The following KCNH8 variants were observed in gnomAD, a reference collection of about 807,000 sequenced individuals.
The protein encoded by KCNH8 is potassium voltage-gated channel subfamily H member 8, also known as voltage-gated delayed rectifier potassium channel KCNH8.
KCNH8 carries 70 observed loss-of-function variants against 103.6 expected under a neutral mutation model. The observed-to-expected ratio is 0.68, with a 90% CI of 0.56 to 0.82. The LOEUF is 0.82. Among genes scored for constraint, KCNH8 ranks in the 40% least tolerant of loss-of-function variants. The pLI is 0.00. For missense variants in KCNH8, 1,217 were observed against 1,329.9 expected (o/e 0.92, Z 1.32); for synonymous variants, 498 against 489.4 (o/e 1.02, Z -0.23).
intron 5 of KCNH8, among the ~76,000 whole-genome samples, chr3:19,355,885 AATATAT>A (rs35120708): frequency 6.7e-6 from 1 of 150,286 alleles, no homozygotes; most frequent in South Asian, 2.1e-4. Context: ...AGTATAATAA[AATATAT>A]ATATATATTT....
At chr3:19,158,046 G>A (rs1286449718) in intron 1 of KCNH8, among the ~76,000 whole-genome samples, 1 of 151,348 alleles carries the variant, frequency 6.6e-6, no homozygotes, top group East Asian at 1.9e-4. Flanking sequence ...TGGGTACATA[G>A]TAGGTGTATA....
chr3:19,269,292 C>T (rs1239056632), intron 2 of KCNH8, among the ~76,000 whole-genome samples: 1 of 152,046 alleles, frequency 6.6e-6, no homozygotes, highest in Non-Finnish European at 1.5e-5. Context: ...TCTTTACTTT[C>T]CCAAAATTTC....
chr3:19,409,927 G>T (rs1368405239), intron 7 of KCNH8, among the ~76,000 whole-genome samples: 4 of 152,018 alleles, frequency 2.6e-5, no homozygotes, highest in African/African-American at 9.7e-5. Flanking sequence ...AATAGTGGGG[G>T]TATTCAAGAC....
chr3:19,350,625 T>TG (rs1175541531), intron 5 of KCNH8, among the ~76,000 whole-genome samples: 4 of 152,042 alleles, frequency 2.6e-5, no homozygotes, highest in African/African-American at 9.7e-5. Context: ...GGGTCTAGAG[T>TG]GGACCTCCAG....
chr3:19,488,637 C>A (rs1310025946), intron 11 of KCNH8, among the ~76,000 whole-genome samples: 3 of 152,100 alleles, frequency 2.0e-5, no homozygotes, highest in African/African-American at 4.8e-5. Flanking sequence ...AAATTTGTAA[C>A]CTTTTGAGCC....
At chr3:19,380,327 C>T (rs999298871) in intron 5 of KCNH8, among the ~76,000 whole-genome samples, 1 of 152,190 alleles carries the variant, frequency 6.6e-6, no homozygotes, top group Non-Finnish European at 1.5e-5. Context: ...ATTGGTGACT[C>T]TTTTGATAGT....
chr3:19,321,385 C>T (rs545667041), intron 3 of KCNH8, among the ~76,000 whole-genome samples: 9 of 150,438 alleles, frequency 6.0e-5, no homozygotes, highest in African/African-American at 2.2e-4. Flanking sequence ...CATTGTGTCA[C>T]TATTTTTCAG....
chr3:19,307,230 T>G (rs2065142114), intron 3 of KCNH8, among the ~76,000 whole-genome samples: 1 of 151,830 alleles, frequency 6.6e-6, no homozygotes, highest in South Asian at 2.1e-4. Context: ...GCAATCCAAT[T>G]TATAAATGGG....
At chr3:19,162,436 G>A (rs946703566) in intron 1 of KCNH8, among the ~76,000 whole-genome samples, 3 of 151,880 alleles carry the variant, frequency 2.0e-5, no homozygotes, top group African/African-American at 4.8e-5. Context: ...GATCCTGGGA[G>A]GTGGAGGTTG....
At chr3:19,186,553 C>T (rs62279460) in intron 1 of KCNH8, among the ~76,000 whole-genome samples, 22,288 of 151,840 alleles carry the variant, frequency 0.15, 2,153 homozygotes, top group Middle Eastern at 0.28. Context: ...GAGGTGGAGG[C>T]AGGGAGAATA....
chr3:19,512,730 A>G (rs2068803523), intron 12 of KCNH8, among the ~76,000 whole-genome samples: 1 of 152,116 alleles, frequency 6.6e-6, no homozygotes, highest in South Asian at 2.1e-4. Context: ...GACCAAGAGA[A>G]AGGTTAAAAT....
chr3:19,372,043 T>G (rs1175292442), intron 5 of KCNH8, among the ~76,000 whole-genome samples: 1 of 152,144 alleles, frequency 6.6e-6, no homozygotes, highest in South Asian at 2.1e-4. Flanking sequence ...AGTCAGATAG[T>G]GTGATGCCTC....
chr3:19,451,557 G>T (rs781102080), intron 10 of KCNH8, among the ~76,000 whole-genome samples, 153 bp downstream of exon 10: 1 of 152,122 alleles, frequency 6.6e-6, no homozygotes, highest in Non-Finnish European at 1.5e-5. Flanking sequence ...GTGTGCCTAT[G>T]TGTTATATCC....
At position 19,220,675 on chromosome 3, in the gene KCNH8, T is replaced by C. The variant is rs552056345; in HGVS notation, c.77-32979T>C. Among the ~76,000 whole-genome samples, 48 of 152,252 alleles carry C rather than the reference T, an allele frequency of 3.2e-4. 1 individual carries two copies. The highest frequency in any genetic ancestry group is 1.1e-3 in the African/African-American group (47 of 41,552). ...ACAGGAATGGTATCAAAAGGCATCA[T>C]TGACCAAAGCAGCACATATGATCCC... On this transcript the variant is annotated intron_variant, in intron 1 of 15. Transcript: ENST00000328405.
chr3:19,315,623 A>G (rs556689551), intron 3 of KCNH8, among the ~76,000 whole-genome samples: 6 of 152,124 alleles, frequency 3.9e-5, no homozygotes, highest in African/African-American at 1.4e-4. Context: ...TTAATAGTCT[A>G]TTAGTAGTTG....
chr3:19,381,441 A>T (rs2066286704), intron 5 of KCNH8, among the ~76,000 whole-genome samples: 1 of 152,224 alleles, frequency 6.6e-6, no homozygotes, highest in Non-Finnish European at 1.5e-5. Context: ...CTTTTAGAAG[A>T]CATCACAGTG....
intron 7 of KCNH8, among the ~76,000 whole-genome samples, chr3:19,430,802 T>C (rs1315535060): frequency 2.6e-5 from 4 of 152,114 alleles, no homozygotes; most frequent in Non-Finnish European, 5.9e-5. Context: ...TGTTGATATA[T>C]AGAAATGCTA....
At chr3:19,159,469 T>C (rs2063213605) in intron 1 of KCNH8, among the ~76,000 whole-genome samples, 1 of 152,050 alleles carries the variant, frequency 6.6e-6, no homozygotes, top group Admixed American at 6.6e-5. Context: ...TTTGTGCCGA[T>C]TACAAGGTGG....
At chr3:19,525,379 A>C (rs1348339462) in intron 15 of KCNH8, among the ~76,000 whole-genome samples, 1 of 151,862 alleles carries the variant, frequency 6.6e-6, no homozygotes, top group African/African-American at 2.4e-5. Context: ...AAATCCCCAG[A>C]TGATTCCTAT....
Sources: allele counts gnomAD v4.1 joint callset (sites outside exome capture counted in the v4.1 genomes callset), GRCh38; gene constraint gnomAD v4.1.1; transcripts MANE v1.5; gene names NCBI Gene and HGNC (gene_info 2026-07-23, HGNC 2026-07-21).